The following BAIAP2 variants were observed in gnomAD, a reference collection of about 807,000 sequenced individuals.
The protein encoded by BAIAP2 is BAR/IMD domain-containing adapter protein 2.
A neutral mutation model predicts 63.0 loss-of-function variants in BAIAP2; 18 were observed. That is an observed-to-expected ratio of 0.29 (90% CI 0.20 to 0.42). BAIAP2 has a LOEUF of 0.42. Ranked by LOEUF, BAIAP2 falls within the 10% of genes least tolerant of loss-of-function variation. BAIAP2 has a pLI of 1.00. For synonymous variants in BAIAP2, 386 were observed against 307.6 expected (o/e 1.25, Z -2.67); for missense variants, 610 against 734.3 (o/e 0.83, Z 1.96).
At chr17:81,067,323 C>A (rs2051670013) in intron 3 of BAIAP2, among the ~76,000 whole-genome samples, 1 of 152,264 alleles carries the variant, frequency 6.6e-6, no homozygotes, top group Non-Finnish European at 1.5e-5. Flanking sequence ...CGCCTGTTCG[C>A]AGAGGCGCGT....
chr17:81,069,277 G>A (rs1442264018), intron 3 of BAIAP2, among the ~76,000 whole-genome samples: 1 of 152,228 alleles, frequency 6.6e-6, no homozygotes, highest in Non-Finnish European at 1.5e-5. Context: ...CAACTGGACT[G>A]TGTCCCGGGC....
intron 3 of BAIAP2, among the ~76,000 whole-genome samples, chr17:81,070,788 G>A (rs1035339742): frequency 2.6e-5 from 4 of 152,242 alleles, no homozygotes; most frequent in Non-Finnish European, 4.4e-5. Context: ...TGCCTGGGAC[G>A]CTGGGAGTGT....
chr17:81,040,361 C>CG (rs1415298939), intron 1 of BAIAP2, among the ~76,000 whole-genome samples: 7 of 152,240 alleles, frequency 4.6e-5, no homozygotes, highest in South Asian at 2.1e-4. Context: ...TACAGGCAGG[C>CG]GGGGATGGTG....
chr17:81,051,241 G>A (rs529892518), intron 1 of BAIAP2, among the ~76,000 whole-genome samples: 16 of 152,044 alleles, frequency 1.1e-4, no homozygotes, highest in Non-Finnish European at 2.1e-4. Flanking sequence ...CAGCATCCCC[G>A]TCCCTTTAGA....
At chr17:81,056,690 G>A (rs1192483131) in intron 2 of BAIAP2, among the ~76,000 whole-genome samples, 1 of 152,234 alleles carries the variant, frequency 6.6e-6, no homozygotes, top group Non-Finnish European at 1.5e-5. Flanking sequence ...GAGACTTGGA[G>A]CTTTACTTCC....
chr17:81,093,454 G>A (rs1568155007), intron 6 of BAIAP2, among the ~76,000 whole-genome samples: 1 of 152,170 alleles, frequency 6.6e-6, no homozygotes, highest in Non-Finnish European at 1.5e-5. Context: ...CCCTTTCTGA[G>A]ATGATGGGGG....
chr17:81,104,803 T>C, intron 10 of BAIAP2, 88 bp downstream of exon 10: 1 of 1,361,802 alleles, frequency 7.3e-7, no homozygotes, highest in Non-Finnish European at 1.0e-6. Context: ...TGAGACCTTG[T>C]GTTTAGAGTG....
At chr17:81,055,569 G>GTTT (rs1555657837) in intron 2 of BAIAP2, among the ~76,000 whole-genome samples, 1 of 94,180 alleles carries the variant, frequency 1.1e-5, no homozygotes, top group Non-Finnish European at 2.1e-5. Context: ...TCTGCAGGGT[G>GTTT]TTTTGTTTTT....
In BAIAP2 at chr17:81,116,649, C is replaced by G. The variant is rs897425717; in HGVS notation, c.*810C>G. The G allele has an allele frequency of 5.8e-5, 21 of 359,844 alleles. No individual in the cohort carries two copies. The Admixed American group carries it at 7.7e-4, about 13-fold the overall frequency. The allele number at this position is 359,844 out of a possible 1,614,324, so 22.3% of individuals were successfully genotyped here. On this transcript the variant is annotated 3_prime_UTR_variant, in exon 14 of 14. Transcript: ENST00000428708. ...AGGACTCCTGGGTGGACCTCCCCCC[C>G]CCACCTCCGCTGACTCCTGCAGGCA...
chr17:81,089,083 T>C (rs2056254163), intron 6 of BAIAP2, among the ~76,000 whole-genome samples: 1 of 152,216 alleles, frequency 6.6e-6, no homozygotes, highest in Non-Finnish European at 1.5e-5. Flanking sequence ...GGGCCCCGGG[T>C]GGTGGGATTT....
In BAIAP2 at chr17:81,106,025, G is replaced by A. The variant is rs1425874595; in HGVS notation, c.1269-53G>A. ...TTGTGCATGGATGGTGGTCGGTGGG[G>A]GATGGGGAGCCTCTGGGCTGAGCGT... On this transcript the variant is annotated intron_variant, in intron 10 of 13. Coordinates refer to ENST00000428708, the MANE Select transcript of BAIAP2 (RefSeq NM_001144888.2). The A allele has an allele frequency of 3.3e-6, 5 of 1,502,728 alleles. No individual in the cohort carries two copies. The South Asian group carries it at 3.6e-5, about 11-fold the overall frequency. 93.1% of individuals were successfully genotyped at this position (1,502,728 alleles called of 1,614,324 possible). A position where few individuals can be genotyped will look rare whatever the true frequency, so the allele number is the denominator to read the frequency against.
At chr17:81,095,329 C>T (rs1250542142) in intron 6 of BAIAP2, among the ~76,000 whole-genome samples, 5 of 152,172 alleles carry the variant, frequency 3.3e-5, no homozygotes, top group Admixed American at 2.6e-4. Flanking sequence ...GGACGTGCCC[C>T]GTATAGGTCA....
chr17:81,106,121 G>C lies in BAIAP2; in HGVS notation c.1312G>C (p.Asp438His). The C allele has an allele frequency of 6.3e-7, 1 of 1,584,482 alleles. No individual in the cohort carries two copies. Among genetic ancestry groups the C allele is most frequent in the South Asian group, 1.2e-5 (1 of 86,792 alleles). ...CTCCTACACCCGGGTCTTGGACAGCGATGGCAGTGACAGGCTGCACATGAG... is the reference window on the plus strand; with the variant it reads ...CTCCTACACCCGGGTCTTGGACAGCCATGGCAGTGACAGGCTGCACATGAG... Reference protein sequence around the residue: ...PFSYTRVLDSDGSDRLHMSLQ... With the variant: ...PFSYTRVLDSHGSDRLHMSLQ... Residue 438 changes from aspartate to histidine, a missense_variant, in exon 11 of 14, where the codon GAT becomes CAT. Asp to His is a moderately conservative substitution (Grantham distance 81, BLOSUM62 -1). Around this residue, in one of 5 missense-constraint regions of BAIAP2, gnomAD observed 29 missense variants for 23.2 expected, o/e 1.25. Coordinates refer to ENST00000428708, the MANE Select transcript of BAIAP2 (RefSeq NM_001144888.2).
intron 6 of BAIAP2, among the ~76,000 whole-genome samples, chr17:81,096,994 A>C (rs1472796133): frequency 2.6e-5 from 4 of 152,282 alleles, no homozygotes; most frequent in African/African-American, 4.8e-5. Flanking sequence ...GAGGAGGAGG[A>C]GGCAGCGGCA....
At chr17:81,112,773 G>A (rs1405520678) in intron 13 of BAIAP2, among the ~76,000 whole-genome samples, 5 of 152,330 alleles carry the variant, frequency 3.3e-5, no homozygotes, top group South Asian at 2.1e-4. Context: ...CCGCTTGGCC[G>A]AGCGCCGTGG....
chr17:81,108,004 C>T (rs545113400), intron 12 of BAIAP2: 206 of 174,752 alleles, frequency 1.2e-3, no homozygotes, highest in Non-Finnish European at 1.8e-3. Flanking sequence ...GCAGTGTCAC[C>T]CTCCCAGGGG....
chr17:81,040,109 G>A (rs578126597), intron 1 of BAIAP2, among the ~76,000 whole-genome samples: 5 of 152,334 alleles, frequency 3.3e-5, no homozygotes, highest in Admixed American at 1.3e-4. Context: ...ACTCGCCACC[G>A]TCTGTGGAGG....
intron 6 of BAIAP2, among the ~76,000 whole-genome samples, chr17:81,094,745 G>A (rs925318211): frequency 2.0e-5 from 3 of 152,196 alleles, no homozygotes; most frequent in African/African-American, 7.2e-5. Flanking sequence ...CAGCCTGCAG[G>A]TGGCCAGTGA....
At chr17:81,053,466 G>T in intron 1 of BAIAP2, 1 of 605,226 alleles carries the variant, frequency 1.7e-6, no homozygotes, top group Non-Finnish European at 2.9e-6. Context: ...TGTGAAAACC[G>T]AGGCTCAGGA....
Sources: gnomAD v4.1 joint callset for allele counts (sites outside exome capture counted in the v4.1 genomes callset) on GRCh38, gnomAD v4.1.1 for gene constraint, gnomAD v4.1.1 regional missense constraint, MANE v1.5 for transcripts, NCBI Gene and HGNC (gene_info 2026-07-23, HGNC 2026-07-21) for gene names.